The following NXPH1 variants were observed in gnomAD, a reference collection of about 807,000 sequenced individuals.
The protein encoded by NXPH1 is neurexophilin-1.
Under a neutral mutation model 23.7 loss-of-function variants are expected in NXPH1, and 5 were observed. That is an observed-to-expected ratio of 0.21 (90% confidence interval 0.11 to 0.44). The LOEUF (loss-of-function observed/expected upper bound fraction) is 0.44. Among genes scored for constraint, NXPH1 ranks in the 20% least tolerant of loss-of-function variants. The probability of loss-of-function intolerance (pLI) is 0.99; values close to 1 mark genes in which losing one functional copy is unlikely to be tolerated. For missense variants in NXPH1, 324 were observed against 321.6 expected (o/e 1.01, Z -0.06); for synonymous variants, 144 against 122.2 (o/e 1.18, Z -1.18).
At chr7:8,582,341 C>T (rs1166628907) in intron 2 of NXPH1, among the ~76,000 whole-genome samples, 1 of 152,160 alleles carries the variant, frequency 6.6e-6, no homozygotes, top group Non-Finnish European at 1.5e-5. Flanking sequence ...TCAGTCCTGC[C>T]ATTTGGCAGG....
intron 2 of NXPH1, among the ~76,000 whole-genome samples, chr7:8,676,734 C>A (rs1820959247): frequency 6.6e-6 from 1 of 152,034 alleles, no homozygotes; most frequent in South Asian, 2.1e-4. Flanking sequence ...GAAGTAGCAA[C>A]TTAAATATAT....
chr7:8,616,629 A>C (rs79840373), intron 2 of NXPH1, among the ~76,000 whole-genome samples: 4,720 of 152,112 alleles, frequency 0.031, 264 homozygotes, highest in East Asian at 0.18. Flanking sequence ...AAGCATATGT[A>C]AGGGCCCCAA....
chr7:8,644,162 T>C (rs77250955), intron 2 of NXPH1, among the ~76,000 whole-genome samples: 6,852 of 152,258 alleles, frequency 0.045, 358 homozygotes, highest in East Asian at 0.17. Context: ...AGCCCTCTCA[T>C]GGAAGAGTTT....
intron 2 of NXPH1, among the ~76,000 whole-genome samples, chr7:8,716,651 G>T (rs1280699492): frequency 6.6e-6 from 1 of 152,038 alleles, no homozygotes; most frequent in Non-Finnish European, 1.5e-5. Flanking sequence ...GAATTCTTTG[G>T]ATTTTGGTGT....
chr7:8,601,923 C>G (rs544584448), intron 2 of NXPH1, among the ~76,000 whole-genome samples: 1 of 152,208 alleles, frequency 6.6e-6, no homozygotes, highest in Non-Finnish European at 1.5e-5. Flanking sequence ...GACCGAAGAC[C>G]AATGGCCACA....
At chr7:8,648,542 C>G (rs1820433270) in intron 2 of NXPH1, among the ~76,000 whole-genome samples, 2 of 152,202 alleles carry the variant, frequency 1.3e-5, no homozygotes, top group African/African-American at 4.8e-5. Context: ...ATACACACCA[C>G]ATTTTCTTTA....
At chr7:8,742,206 G>A (rs1780379459) in intron 2 of NXPH1, among the ~76,000 whole-genome samples, 1 of 152,224 alleles carries the variant, frequency 6.6e-6, no homozygotes, top group African/African-American at 2.4e-5. Context: ...TTTGGGTATG[G>A]ATGACTCATT....
chr7:8,514,420 C>A (rs936926387), intron 2 of NXPH1, among the ~76,000 whole-genome samples: 2 of 152,116 alleles, frequency 1.3e-5, no homozygotes, highest in Non-Finnish European at 2.9e-5. Context: ...AGTTGCACAG[C>A]GAATAGCAGA....
At chr7:8,548,858 G>A (rs997074875) in intron 2 of NXPH1, among the ~76,000 whole-genome samples, 1 of 151,474 alleles carries the variant, frequency 6.6e-6, no homozygotes, top group African/African-American at 2.4e-5. Context: ...GCTTGGTTTT[G>A]TCTTTGACAC....
chr7:8,560,955 T>G (rs1013785743), intron 2 of NXPH1, among the ~76,000 whole-genome samples: 2 of 151,652 alleles, frequency 1.3e-5, no homozygotes, highest in African/African-American at 4.8e-5. Flanking sequence ...ATGCTAACCT[T>G]TGTTACCTCT....
intron 2 of NXPH1, among the ~76,000 whole-genome samples, chr7:8,696,249 C>A (rs570667970): frequency 6.6e-6 from 1 of 152,148 alleles, no homozygotes; most frequent in Non-Finnish European, 1.5e-5. Flanking sequence ...TCCAGGAAAT[C>A]CTATTAGAAA....
intron 2 of NXPH1, among the ~76,000 whole-genome samples, chr7:8,715,070 C>G (rs1779855176): frequency 6.6e-6 from 1 of 152,080 alleles, no homozygotes; most frequent in Admixed American, 6.5e-5. Context: ...ATTTAGGATC[C>G]CAGAGCACTT....
At position 8,561,383 on chromosome 7, in the gene NXPH1, C is replaced by CACACACACACA. The variant is rs1554256950; in HGVS notation, c.54+125616_54+125617insACACACACACA. 4.9e-3 allele frequency among the ~76,000 whole-genome samples: 714 copies of CACACACACACA among 147,148 alleles called. 3 individuals are homozygous for CACACACACACA. Among genetic ancestry groups the CACACACACACA allele is most frequent in the African/African-American group, 0.015 (615 of 39,808 alleles). On this transcript the variant is annotated intron_variant, in intron 2 of 2. Coordinates refer to ENST00000405863, the MANE Select transcript of NXPH1 (RefSeq NM_152745.3). ...ACACACACACACACACACACACACA[C>CACACACACACA]CTCTCTCTCTCTTTTTCTCTTTCTT... is the stretch of plus-strand genomic sequence containing the variant.
At position 8,435,708 on chromosome 7, in the gene NXPH1, G is replaced by A. The variant is rs754771042; in HGVS notation, c.-6G>A. 3 of 1,613,890 alleles carry A rather than the reference G, an allele frequency of 1.9e-6. No individual in the cohort carries two copies. Among genetic ancestry groups the A allele is most frequent in the Non-Finnish European group, 2.5e-6 (3 of 1,179,812 alleles). ...GCACCGCCAAGGAAGTTTGAGACGC[G>A]GGAGAATGCAGGCTGCGTGCTGGTA... On this transcript the variant is annotated 5_prime_UTR_variant, in exon 2 of 3. Coordinates refer to ENST00000405863, the MANE Select transcript of NXPH1 (RefSeq NM_152745.3). The surrounding 1 kb of genome is among the most constrained non-coding windows in gnomAD (Gnocchi z 5.9).
rs150614850 is a variant in NXPH1, at chr7:8,642,344, T to C, written c.55-108664T>C. 1.6e-4 allele frequency among the ~76,000 whole-genome samples: 24 copies of C among 152,346 alleles called. No homozygotes were observed. In the East Asian group the frequency reaches 3.9e-3, roughly 24 times the overall value. On this transcript the variant is annotated intron_variant, in intron 2 of 2. Transcript: ENST00000405863. ...GCTGTAAAAAGGTCTGATGCCATTA[T>C]CATTTCGAATATTTTGTAGGTGGCC...
chr7:8,664,088 T>C (rs1041776055), intron 2 of NXPH1, among the ~76,000 whole-genome samples: 1 of 152,098 alleles, frequency 6.6e-6, no homozygotes, highest in Non-Finnish European at 1.5e-5. Context: ...TGCTTTAACT[T>C]TCTATCCCTA....
chr7:8,573,636 G>A (rs1282318079), intron 2 of NXPH1, among the ~76,000 whole-genome samples: 4 of 152,138 alleles, frequency 2.6e-5, no homozygotes, highest in Non-Finnish European at 4.4e-5. Context: ...CCAAACTAAT[G>A]CAATGAGCTT....
intron 2 of NXPH1, among the ~76,000 whole-genome samples, chr7:8,575,629 A>G (rs1458245072): frequency 1.3e-5 from 2 of 152,174 alleles, no homozygotes; most frequent in South Asian, 2.1e-4. Context: ...GAATAGATTT[A>G]TTCCATTTGA....
At chr7:8,498,437 A>AT (rs889725809) in intron 2 of NXPH1, among the ~76,000 whole-genome samples, 1 of 151,946 alleles carries the variant, frequency 6.6e-6, no homozygotes, top group African/African-American at 2.4e-5. Flanking sequence ...CAGTCCCTCT[A>AT]TTTTTTCCCC....
Sources: allele counts gnomAD v4.1 joint callset (sites outside exome capture counted in the v4.1 genomes callset), GRCh38; gene constraint gnomAD v4.1.1; non-coding constraint Gnocchi (gnomAD v3.1); transcripts MANE v1.5; gene names NCBI Gene and HGNC (gene_info 2026-07-23, HGNC 2026-07-21).